The following INTU variants were observed in gnomAD, a reference collection of about 807,000 sequenced individuals.
INTU encodes the protein protein inturned.
In INTU, 68 loss-of-function variants were observed where a neutral mutation model predicts 100.5. The observed-to-expected ratio is 0.68, with a 90% confidence interval of 0.56 to 0.83. INTU has a LOEUF of 0.83. INTU is among the 40% of genes least tolerant of loss of function. The pLI, the probability that INTU is intolerant of heterozygous loss-of-function variation, is 0.00. For missense variants in INTU, 1,071 were observed against 1,114.7 expected (o/e 0.96, Z 0.56); for synonymous variants, 357 against 395.7 (o/e 0.90, Z 1.16).
At chr4:127,682,611 G>T (rs1324075863) in intron 6 of INTU, among the ~76,000 whole-genome samples, 1 of 106,534 alleles carries the variant, frequency 9.4e-6, no homozygotes, top group African/African-American at 3.6e-5. Flanking sequence ...GGGGGGAGGG[G>T]GGAGGGATAG....
At chr4:127,672,983 A>T (rs1279301370) in intron 5 of INTU, among the ~76,000 whole-genome samples, 1 of 152,242 alleles carries the variant, frequency 6.6e-6, no homozygotes, top group Non-Finnish European at 1.5e-5. Flanking sequence ...CGACACAGTG[A>T]ATACATTCAT....
Position 127,660,204 on chromosome 4 carries a change from T to C in INTU, c.769-3177T>C, listed in dbSNP as rs1446812567. Among the ~76,000 whole-genome samples the C allele has an allele frequency of 3.3e-5, 5 of 151,864 alleles. No individual in the cohort carries two copies. The East Asian group carries it at 7.7e-4, about 24-fold the overall frequency. ...ATGGAGGAGGAGATTAGATTTAAGA[T>C]AGAGAGGAAGGAAAGAGGACAATAT... On this transcript the variant is annotated intron_variant, in intron 3 of 15. Transcript: ENST00000335251.
chr4:127,707,088 TTCAG>T, intron 12 of INTU, 119 bp downstream of exon 12: 1 of 1,158,754 alleles, frequency 8.6e-7, no homozygotes, highest in African/African-American at 1.5e-5. Flanking sequence ...TGGTGGTTAT[TTCAG>T]TCACTGCTGG....
chr4:127,646,589 A>G (rs28656192), intron 2 of INTU, among the ~76,000 whole-genome samples: 86,049 of 152,026 alleles, frequency 0.57, 24,855 homozygotes, highest in South Asian at 0.68. Flanking sequence ...AGTCTTTCTC[A>G]ATATTTCAGT....
At chr4:127,697,099 C>T (rs1386949139) in intron 8 of INTU, among the ~76,000 whole-genome samples, 1 of 152,162 alleles carries the variant, frequency 6.6e-6, no homozygotes, top group Non-Finnish European at 1.5e-5. Context: ...GTTACGTGAA[C>T]TTAATCAAGG....
chr4:127,682,463 A>G (rs905990027), intron 6 of INTU, among the ~76,000 whole-genome samples: 1 of 152,066 alleles, frequency 6.6e-6, no homozygotes, highest in Non-Finnish European at 1.5e-5. Flanking sequence ...AGGAACATGG[A>G]TGAAATTGGA....
chr4:127,676,627 G>T (rs1240870967), intron 6 of INTU, among the ~76,000 whole-genome samples: 1 of 151,650 alleles, frequency 6.6e-6, no homozygotes, highest in Non-Finnish European at 1.5e-5. Context: ...AGCCAAGATG[G>T]CCGAATAGGA....
intron 6 of INTU, among the ~76,000 whole-genome samples, chr4:127,683,568 C>T (rs979024953): frequency 1.3e-5 from 2 of 152,156 alleles, no homozygotes; most frequent in Admixed American, 1.3e-4. Flanking sequence ...GTGTTTCCCT[C>T]CTCACCTCTA....
Position 127,723,966 on chromosome 4 carries a change from C to G in INTU, c.*7530C>G, listed in dbSNP as rs545967107. The G allele has an allele frequency of 5.4e-5, 6 of 110,304 alleles. No individual in the cohort carries two copies. The highest frequency in any genetic ancestry group is 2.9e-4 in the Admixed American group (3 of 10,486). 6.8% of individuals were successfully genotyped at this position (110,304 alleles called of 1,614,324 possible). A position where few individuals can be genotyped will look rare whatever the true frequency, so the allele number is the denominator to read the frequency against. On this transcript the variant is annotated 3_prime_UTR_variant, in exon 16 of 16. Transcript: ENST00000335251. ...CTAGCCTGGGCAACACAGTGAGACC[C>G]TGTCTCAAAAAAAAAAATCACATTC...
At position 127,712,394 on chromosome 4, in the gene INTU, TA is replaced by T. The variant is rs1414594892; in HGVS notation, c.2559+1295del. On this transcript the variant is annotated intron_variant, in intron 14 of 15. Coordinates refer to ENST00000335251, the MANE Select transcript of INTU (RefSeq NM_015693.4). ...TTTTAACATTAACTGATAAATGTTA[TA>T]AAGGAATATTTCATTTACTTATTTG... Among the ~76,000 whole-genome samples the T allele has an allele frequency of 2.6e-5, 4 of 152,276 alleles. No homozygotes were observed. The East Asian group carries it at 7.7e-4, about 29-fold the overall frequency.
At chr4:127,698,490 G>C (rs1182032809) in intron 8 of INTU, among the ~76,000 whole-genome samples, 1 of 151,732 alleles carries the variant, frequency 6.6e-6, no homozygotes, top group Non-Finnish European at 1.5e-5. Context: ...CGTGTGTGAG[G>C]TAACATGCCT....
At chr4:127,711,257 C>G (rs1468994466) in intron 14 of INTU, among the ~76,000 whole-genome samples, 155 bp downstream of exon 14, 1 of 152,140 alleles carries the variant, frequency 6.6e-6, no homozygotes, top group Non-Finnish European at 1.5e-5. Flanking sequence ...CAATTATACT[C>G]ACAGTACTTC....
intron 3 of INTU, among the ~76,000 whole-genome samples, chr4:127,661,865 C>G (rs559088321): frequency 1.4e-4 from 21 of 152,250 alleles, no homozygotes; most frequent in Non-Finnish European, 2.5e-4. Context: ...AGTCTTCATA[C>G]TGTTTTCCAT....
rs771301885 is a variant in INTU at position 127,705,680 on chromosome 4, A to C, written c.1656A>C (p.Ala552=). 8 of 1,614,040 alleles carry C rather than the reference A, an allele frequency of 5.0e-6. No individual in the cohort carries two copies. Among genetic ancestry groups the C allele is most frequent in the Non-Finnish European group, 6.8e-6 (8 of 1,179,920 alleles). ...ACTATTGCCTGCTGCCTTTAGCAGC[A>C]AAACAAAGAATTGGTCAGTTGATCA... is the stretch of plus-strand genomic sequence containing the variant. ...CRHYCLLPLA[A]KQRIGQLIIW... is the part of the protein sequence containing the mutation. Residue 552 remains alanine, a synonymous_variant, in exon 11 of 16, where the codon GCA becomes GCC. Coordinates refer to ENST00000335251, the MANE Select transcript of INTU (RefSeq NM_015693.4).
At chr4:127,634,664 C>T (rs1578516581) in intron 1 of INTU, among the ~76,000 whole-genome samples, 2 of 152,274 alleles carry the variant, frequency 1.3e-5, no homozygotes, top group Middle Eastern at 3.4e-3. Context: ...TCACTAATCA[C>T]GCCACATGTT....
intron 9 of INTU, among the ~76,000 whole-genome samples, chr4:127,703,361 A>T (rs1730733238): frequency 6.6e-6 from 1 of 152,212 alleles, no homozygotes; most frequent in African/African-American, 2.4e-5. Flanking sequence ...CATGGTTATT[A>T]AAAGCAAATA....
intron 15 of INTU, among the ~76,000 whole-genome samples, chr4:127,714,402 C>CT (rs1262230278): frequency 7.9e-5 from 12 of 152,074 alleles, no homozygotes; most frequent in African/African-American, 2.9e-4. Context: ...TTACCATCCT[C>CT]TCCCTTTTCT....
chr4:127,683,155 G>A (rs896726388), intron 6 of INTU, among the ~76,000 whole-genome samples: 1 of 152,142 alleles, frequency 6.6e-6, no homozygotes, highest in African/African-American at 2.4e-5. Flanking sequence ...TATTAAACAG[G>A]GTGGGGGAAG....
intron 14 of INTU, among the ~76,000 whole-genome samples, chr4:127,712,086 A>G (rs1392558461): frequency 1.3e-5 from 2 of 152,344 alleles, no homozygotes; most frequent in East Asian, 1.9e-4. Context: ...TAATGTATAT[A>G]GCAATACATG....
Sources: allele counts gnomAD v4.1 joint callset (sites outside exome capture counted in the v4.1 genomes callset), GRCh38; gene constraint gnomAD v4.1.1; transcripts MANE v1.5; gene names NCBI Gene and HGNC (gene_info 2026-07-23, HGNC 2026-07-21).